NHS: variants seen among roughly 807,000 people sequenced by gnomAD.
NHS encodes NHS actin remodeling regulator, also known as actin remodeling regulator NHS.
A neutral mutation model predicts 72.5 loss-of-function variants in NHS; 5 were observed. The observed-to-expected ratio is 0.07, with a 90% CI of 0.04 to 0.14. The LOEUF is 0.14. Ranked by LOEUF, NHS falls within the 10% of genes least tolerant of loss-of-function variation. The pLI, the probability that NHS is intolerant of heterozygous loss-of-function variation, is 1.00. For missense variants in NHS, 1,072 were observed against 1,355.7 expected, an observed-to-expected ratio of 0.79 and a Z score of 3.29; for synonymous variants, 464 against 547.7, an observed-to-expected ratio of 0.85 and a Z score of 2.13.
intron 1 of NHS, among the ~76,000 whole-genome samples, chrX:17,549,515 G>A (rs141707931): frequency 0.011 from 1,256 of 111,640 alleles, 15 homozygotes; most frequent in African/African-American, 0.039. Context: ...GTTTTCAGCT[G>A]ACAAGAGTGT....
At chrX:17,390,322 C>T (rs893739409) in intron 1 of NHS, among the ~76,000 whole-genome samples, 2 of 111,983 alleles carry the variant, frequency 1.8e-5, no homozygotes, top group African/African-American at 3.2e-5. Context: ...TTTAATAATG[C>T]GAGGAAAGCT....
intron 1 of NHS, among the ~76,000 whole-genome samples, chrX:17,536,085 G>A (rs1489312275): frequency 8.9e-6 from 1 of 112,287 alleles, no homozygotes; most frequent in Non-Finnish European, 1.9e-5. Flanking sequence ...GCTGGGCGCA[G>A]TGGCTCACGC....
chrX:17,667,542 G>A (rs1277599238), intron 1 of NHS, among the ~76,000 whole-genome samples: 1 of 111,159 alleles, frequency 9.0e-6, no homozygotes, highest in Non-Finnish European at 1.9e-5. Flanking sequence ...TGCTGCCGAG[G>A]TGTCTCAGGT....
chrX:17,709,066 G>A (rs983894021), intron 3 of NHS, among the ~76,000 whole-genome samples: 4 of 111,187 alleles, frequency 3.6e-5, no homozygotes, highest in African/African-American at 9.8e-5. Flanking sequence ...TCAGGTATAA[G>A]ATTGCAGAAG....
intron 1 of NHS, among the ~76,000 whole-genome samples, chrX:17,541,766 G>A (rs866479216): frequency 7.9e-5 from 2 of 25,469 alleles, no homozygotes; most frequent in African/African-American, 4.2e-4. Context: ...CTGAGTTTGC[G>A]AACACACACA....
chrX:17,668,955 A>G (rs982641462), intron 1 of NHS, among the ~76,000 whole-genome samples: 1 of 111,727 alleles, frequency 9.0e-6, no homozygotes, highest in African/African-American at 3.3e-5. Flanking sequence ...TCCCATTGTC[A>G]GAGGGGAAAA....
intron 1 of NHS, among the ~76,000 whole-genome samples, chrX:17,652,636 A>G (rs1335583675): frequency 9.0e-6 from 1 of 111,612 alleles, no homozygotes; most frequent in Non-Finnish European, 1.9e-5. Context: ...AATTACAGCT[A>G]GATAGGTGGA....
chrX:17,641,277 T>G (rs2065879450), intron 1 of NHS, among the ~76,000 whole-genome samples: 1 of 112,175 alleles, frequency 8.9e-6, no homozygotes, highest in Non-Finnish European at 1.9e-5. Flanking sequence ...AATCACATTC[T>G]GCTTCTCTTT....
chrX:17,390,383 C>G (rs2064437775), intron 1 of NHS, among the ~76,000 whole-genome samples: 1 of 110,466 alleles, frequency 9.1e-6, no homozygotes, highest in Admixed American at 9.7e-5. Flanking sequence ...CAGCCCACCC[C>G]CTCCCCACCC....
chrX:17,543,270 G>T (rs1465949444), intron 1 of NHS, among the ~76,000 whole-genome samples: 1 of 112,255 alleles, frequency 8.9e-6, no homozygotes, highest in Non-Finnish European at 1.9e-5. Flanking sequence ...ATGCATTTGA[G>T]GGATGGATAC....
chrX:17,625,966 A>C (rs1444281549), intron 1 of NHS, among the ~76,000 whole-genome samples: 3 of 112,170 alleles, frequency 2.7e-5, no homozygotes, highest in Non-Finnish European at 5.6e-5. Context: ...TCATTCTATA[A>C]AATTTGAAAA....
In NHS at chrX:17,714,149, C is replaced by CTT. The variant is rs745730534; in HGVS notation, c.853-5182_853-5181dup. ...TCTGGAAAAGGAGGAGGAAATTACT[C>CTT]TTTTTTTTTTTTTTGTATTTTTCTT... On this transcript the variant is annotated intron_variant, in intron 3 of 8. Transcript: ENST00000676302. Among the ~76,000 whole-genome samples the CTT allele has an allele frequency of 9.1e-5, 9 of 98,468 alleles. No individual in the cohort carries two copies. The South Asian group carries it at 2.3e-3, about 25-fold the overall frequency. The allele number at this position is 98,468 out of a possible 115,157, so 85.5% of individuals were successfully genotyped here. A position where few individuals can be genotyped will look rare whatever the true frequency, so the allele number is the denominator to read the frequency against.
At chrX:17,623,137 C>T (rs947182156) in intron 1 of NHS, among the ~76,000 whole-genome samples, 88 of 110,870 alleles carry the variant, frequency 7.9e-4, no homozygotes, top group Non-Finnish European at 1.4e-3. Flanking sequence ...AGGGGTCTCC[C>T]TATGTTGACC....
At chrX:17,571,303 T>C (rs2157365) in intron 1 of NHS, among the ~76,000 whole-genome samples, 49,769 of 110,853 alleles carry the variant, frequency 0.45, 8,991 homozygotes, top group East Asian at 0.76. Flanking sequence ...TGGTCCTGTA[T>C]TTGTTTTGAT....
chrX:17,414,194 T>G, intron 1 of NHS, among the ~76,000 whole-genome samples: 1 of 112,281 alleles, frequency 8.9e-6, no homozygotes, highest in Admixed American at 9.4e-5. Flanking sequence ...TCTGTGCAAT[T>G]GATTGCAGCA....
intron 1 of NHS, among the ~76,000 whole-genome samples, chrX:17,601,261 G>A (rs950898815): frequency 1.8e-5 from 2 of 111,988 alleles, no homozygotes; most frequent in South Asian, 7.5e-4. Flanking sequence ...ATACCTAGGT[G>A]AGGAAGAGAA....
chrX:17,600,521 C>G (rs2065644467), intron 1 of NHS, among the ~76,000 whole-genome samples: 1 of 112,509 alleles, frequency 8.9e-6, no homozygotes, highest in Non-Finnish European at 1.9e-5. Context: ...TGAAATAGCC[C>G]TTTGCATTCT....
chrX:17,418,157 A>G (rs1325738871), intron 1 of NHS, among the ~76,000 whole-genome samples: 1 of 112,104 alleles, frequency 8.9e-6, no homozygotes, highest in African/African-American at 3.2e-5. Context: ...TTGTCCATCA[A>G]GGACTCTTTC....
At chrX:17,462,166 G>A (rs753112692) in intron 1 of NHS, among the ~76,000 whole-genome samples, 4 of 111,303 alleles carry the variant, frequency 3.6e-5, no homozygotes, top group South Asian at 7.5e-4. Flanking sequence ...GTATAATAGC[G>A]ACAAGGTCAG....
Sources: allele counts gnomAD v4.1 joint callset (sites outside exome capture counted in the v4.1 genomes callset), GRCh38; gene constraint gnomAD v4.1.1; transcripts MANE v1.5; gene names NCBI Gene and HGNC (gene_info 2026-07-23, HGNC 2026-07-21).